RBFOX1: variants seen among roughly 807,000 people sequenced by gnomAD.
The protein encoded by RBFOX1 is RNA binding fox-1 homolog 1, also known as RNA binding protein fox-1 homolog 1.
Under a neutral mutation model 57.7 loss-of-function variants are expected in RBFOX1, and 8 were observed. The ratio of observed to expected loss-of-function variants is 0.14; its 90% CI spans 0.08 to 0.25. The LOEUF is 0.25. Ranked by LOEUF, RBFOX1 falls within the 10% of genes least tolerant of loss-of-function variation. The pLI, the probability that RBFOX1 is intolerant of heterozygous loss-of-function variation, is 1.00. For synonymous variants in RBFOX1, 326 were observed against 222.4 expected (o/e 1.47, Z -4.15); for missense variants, 611 against 548.5 (o/e 1.11, Z -1.14).
At chr16:6,627,678 G>A (rs1002814260) in intron 2 of RBFOX1, among the ~76,000 whole-genome samples, 19 of 152,134 alleles carry the variant, frequency 1.2e-4, no homozygotes, top group African/African-American at 4.3e-4. Flanking sequence ...AGAAAAATGA[G>A]CAGCACACTG....
At chr16:6,079,622 T>C (rs2095968352) in intron 1 of RBFOX1, among the ~76,000 whole-genome samples, 1 of 150,920 alleles carries the variant, frequency 6.6e-6, no homozygotes, top group Non-Finnish European at 1.5e-5. Context: ...TTTGAAATGG[T>C]ACAGGAGTTC....
chr16:6,927,821 C>T (rs150768143), intron 3 of RBFOX1, among the ~76,000 whole-genome samples: 161 of 152,306 alleles, frequency 1.1e-3, no homozygotes, highest in Non-Finnish European at 1.4e-3. Flanking sequence ...AGAAGCCTAA[C>T]ACTGAAGGAA....
intron 4 of RBFOX1, among the ~76,000 whole-genome samples, chr16:7,486,171 G>A (rs1454237769): frequency 7.7e-6 from 1 of 129,748 alleles, no homozygotes; most frequent in Admixed American, 9.3e-5. Flanking sequence ...TGGCCAGGCT[G>A]GAGTGCAGTG....
At chr16:6,475,324 T>C (rs1427054912) in intron 2 of RBFOX1, among the ~76,000 whole-genome samples, 1 of 152,182 alleles carries the variant, frequency 6.6e-6, no homozygotes, top group Non-Finnish European at 1.5e-5. Context: ...TGAGGCTATA[T>C]GTGCATGCTA....
intron 4 of RBFOX1, among the ~76,000 whole-genome samples, chr16:7,416,831 G>A (rs1165452161): frequency 1.3e-5 from 2 of 152,068 alleles, no homozygotes; most frequent in Admixed American, 1.3e-4. Context: ...AAATGCCAAG[G>A]TTTGGTCTAT....
chr16:5,620,731 A>G (rs11640951), intron 3 of RBFOX1, among the ~76,000 whole-genome samples: 44,711 of 151,972 alleles, frequency 0.29, 7,794 homozygotes, highest in East Asian at 0.76. Context: ...CAGGCCAGAG[A>G]GCAGTGGCAG....
intron 4 of RBFOX1, among the ~76,000 whole-genome samples, chr16:7,193,126 G>A (rs2085839147): frequency 1.3e-5 from 2 of 152,212 alleles, no homozygotes; most frequent in African/African-American, 4.8e-5. Flanking sequence ...TTGGCCTTGA[G>A]ATAGGCGCAT....
At chr16:5,902,529 C>G (rs113237661) in intron 4 of RBFOX1, among the ~76,000 whole-genome samples, 1 of 152,108 alleles carries the variant, frequency 6.6e-6, no homozygotes, top group Non-Finnish European at 1.5e-5. Flanking sequence ...GATTCTCCCG[C>G]GCCAGCCACC....
At chr16:6,856,434 G>C (rs964612113) in intron 3 of RBFOX1, among the ~76,000 whole-genome samples, 1 of 152,092 alleles carries the variant, frequency 6.6e-6, no homozygotes, top group Non-Finnish European at 1.5e-5. Context: ...ATCCCACTCA[G>C]GAGACAGCAG....
At chr16:6,697,873 A>C (rs2061287511) in intron 3 of RBFOX1, among the ~76,000 whole-genome samples, 1 of 152,212 alleles carries the variant, frequency 6.6e-6, no homozygotes, top group South Asian at 2.1e-4. Flanking sequence ...CAGTAGAAGA[A>C]CAATTGTAAT....
At chr16:7,033,455 G>A (rs2043345467) in intron 3 of RBFOX1, among the ~76,000 whole-genome samples, 1 of 152,154 alleles carries the variant, frequency 6.6e-6, no homozygotes. Context: ...GGGAGGCGGA[G>A]GTTGCAGTGA....
chr16:7,398,753 G>C (rs556558039), intron 4 of RBFOX1, among the ~76,000 whole-genome samples: 3 of 152,340 alleles, frequency 2.0e-5, no homozygotes, highest in Admixed American at 6.5e-5. Context: ...ACAAATCCCA[G>C]CTCTAGCCCC....
At chr16:5,644,181 C>A (rs575258091) in intron 3 of RBFOX1, among the ~76,000 whole-genome samples, 1 of 152,118 alleles carries the variant, frequency 6.6e-6, no homozygotes, top group Admixed American at 6.5e-5. Flanking sequence ...AATTTTAGCC[C>A]CTTGTAGAGT....
At chr16:6,475,955 A>G (rs2095265871) in intron 2 of RBFOX1, among the ~76,000 whole-genome samples, 1 of 152,172 alleles carries the variant, frequency 6.6e-6, no homozygotes. Context: ...TCCCCCTATG[A>G]AGAAGCAATT....
At chr16:7,001,422 A>T (rs201203217) in intron 3 of RBFOX1, among the ~76,000 whole-genome samples, 4,562 of 148,692 alleles carry the variant, frequency 0.031, 93 homozygotes, top group Admixed American at 0.052. Flanking sequence ...GTATATGTAT[A>T]TGTATATGTA....
chr16:6,611,235 C>T (rs552139822), intron 2 of RBFOX1, among the ~76,000 whole-genome samples: 3 of 152,280 alleles, frequency 2.0e-5, no homozygotes, highest in East Asian at 1.9e-4. Context: ...CAACCTCCGG[C>T]TCCCAGGTTC....
chr16:6,674,475 C>G (rs544338066), intron 3 of RBFOX1, among the ~76,000 whole-genome samples: 1 of 152,098 alleles, frequency 6.6e-6, no homozygotes, highest in Non-Finnish European at 1.5e-5. Flanking sequence ...GCACCTGTCA[C>G]CATGCCCGGC....
chr16:7,348,608 C>G (rs191216606), intron 4 of RBFOX1, among the ~76,000 whole-genome samples: 3 of 152,200 alleles, frequency 2.0e-5, no homozygotes, highest in Admixed American at 6.5e-5. Context: ...AAGATAGGGA[C>G]AAAGAAGAGA....
At chr16:7,395,819 T>G (rs1766703447) in intron 4 of RBFOX1, among the ~76,000 whole-genome samples, 1 of 152,222 alleles carries the variant, frequency 6.6e-6, no homozygotes, top group South Asian at 2.1e-4. Flanking sequence ...TTTTGTTTCC[T>G]GCGGGTGAAA....
Sources: gnomAD v4.1 joint callset for allele counts (sites outside exome capture counted in the v4.1 genomes callset) on GRCh38, gnomAD v4.1.1 for gene constraint, MANE v1.5 for transcripts, NCBI Gene and HGNC (gene_info 2026-07-23, HGNC 2026-07-21) for gene names.